HOATZ: variants seen among roughly 807,000 people sequenced by gnomAD.
HOATZ encodes HOATZ cilia and flagella associated protein.
In HOATZ, 26 loss-of-function variants were observed where a neutral mutation model predicts 24.9. That is an observed-to-expected ratio of 1.04 (90% confidence interval 0.76 to 1.45). The LOEUF is 1.45. Ranked by LOEUF, HOATZ falls within the 40% of genes most tolerant of loss-of-function variation. HOATZ has a pLI of 0.00. For missense variants in HOATZ, 226 were observed against 201.5 expected (o/e 1.12, Z -0.74); for synonymous variants, 83 against 76.6 (o/e 1.08, Z -0.43).
intron 5 of HOATZ, chr11:111,536,029 C>T (rs776792018): frequency 2.6e-5 from 4 of 152,130 alleles, no homozygotes; most frequent in African/African-American, 4.8e-5. Context: ...AATTATTTAA[C>T]TCTTATTATT....
At chr11:111,526,814 G>A (rs1867344774) in intron 3 of HOATZ, 1 of 152,126 alleles carries the variant, frequency 6.6e-6, no homozygotes, top group Non-Finnish European at 1.5e-5. Context: ...GGGCAGAACA[G>A]GAAAGACATA....
chr11:111,524,676 G>A (rs1163707755), intron 3 of HOATZ, among the ~76,000 whole-genome samples: 2 of 152,134 alleles, frequency 1.3e-5, no homozygotes, highest in Non-Finnish European at 2.9e-5. Context: ...ATTCCTTACT[G>A]CCATATGTAG....
intron 3 of HOATZ, among the ~76,000 whole-genome samples, chr11:111,525,443 T>A (rs1392646900): frequency 6.6e-6 from 1 of 152,204 alleles, no homozygotes; most frequent in Non-Finnish European, 1.5e-5. Context: ...GACATTAGTC[T>A]GTATGTGTGA....
chr11:111,528,808 CTG>C (rs112207809), intron 3 of HOATZ, among the ~76,000 whole-genome samples: 3 of 151,204 alleles, frequency 2.0e-5, no homozygotes, highest in Admixed American at 6.6e-5. Context: ...TTCTGTCACT[CTG>C]TGTGTGTGTG....
chr11:111,523,997 G>C (rs1867302362), intron 3 of HOATZ, among the ~76,000 whole-genome samples: 1 of 152,146 alleles, frequency 6.6e-6, no homozygotes, highest in Non-Finnish European at 1.5e-5. Flanking sequence ...TAAGGTGAAG[G>C]ACCATGGCTT....
chr11:111,515,915 C>T (rs1182655683), intron 2 of HOATZ, 125 bp from the exon 3 acceptor site: 1 of 624,936 alleles, frequency 1.6e-6, no homozygotes, highest in Middle Eastern at 4.4e-4. Context: ...CAATACACCA[C>T]ATGTATTTTT....
At chr11:111,531,850 C>CT (rs1422037253) in intron 3 of HOATZ, among the ~76,000 whole-genome samples, 2 of 152,216 alleles carry the variant, frequency 1.3e-5, no homozygotes, top group Non-Finnish European at 2.9e-5. Flanking sequence ...GGCCCCTTCT[C>CT]TGTGTGTCTT....
rs557455919 is a variant in HOATZ, at chr11:111,529,944, C to T, written c.340-3802C>T. Reference sequence around the variant, plus strand: ...CCTTTCCTCCCTCAAACTGTATTCACCAACTGACCCATAGGTCAGAGGTTG... The same window carrying T: ...CCTTTCCTCCCTCAAACTGTATTCATCAACTGACCCATAGGTCAGAGGTTG... On this transcript the variant is annotated intron_variant, in intron 3 of 5. Coordinates refer to ENST00000375618, the MANE Select transcript of HOATZ (RefSeq NM_001100388.2). 3.9e-5 allele frequency among the ~76,000 whole-genome samples: 6 copies of T among 152,248 alleles called. No individual in the cohort carries two copies. The East Asian group carries it at 7.7e-4, about 20-fold the overall frequency.
At chr11:111,526,230 C>T (rs1314825497) in intron 3 of HOATZ, among the ~76,000 whole-genome samples, 1 of 152,164 alleles carries the variant, frequency 6.6e-6, no homozygotes, top group East Asian at 1.9e-4. Flanking sequence ...CCAGTAAGAA[C>T]AGTAAGAAGC....
intron 3 of HOATZ, among the ~76,000 whole-genome samples, chr11:111,527,725 T>G (rs1011041362): frequency 3.9e-5 from 6 of 152,242 alleles, no homozygotes; most frequent in African/African-American, 1.4e-4. Flanking sequence ...CAGATTTCAG[T>G]TAATAGGCAC....
At chr11:111,519,994 A>T (rs1015610269) in intron 3 of HOATZ, among the ~76,000 whole-genome samples, 10 of 152,196 alleles carry the variant, frequency 6.6e-5, no homozygotes, top group African/African-American at 2.4e-4. Context: ...GCTTTTGGTT[A>T]GTGATCAAAA....
chr11:111,516,890 C>T (rs1867211768), intron 3 of HOATZ, among the ~76,000 whole-genome samples: 1 of 152,170 alleles, frequency 6.6e-6, no homozygotes, highest in African/African-American at 2.4e-5. Flanking sequence ...TGGCAACATC[C>T]TTTGTTTGCT....
chr11:111,535,602 C>T (rs1465038599), intron 5 of HOATZ: 1 of 152,140 alleles, frequency 6.6e-6, no homozygotes, highest in Non-Finnish European at 1.5e-5. Flanking sequence ...ATCCTGAAGC[C>T]TTGAATTTCA....
chr11:111,532,584 A>C (rs1867404884), intron 3 of HOATZ, among the ~76,000 whole-genome samples: 1 of 152,226 alleles, frequency 6.6e-6, no homozygotes, highest in East Asian at 1.9e-4. Flanking sequence ...GAAAGAAGCA[A>C]AGAAACCCTA....
intron 4 of HOATZ, among the ~76,000 whole-genome samples, 160 bp downstream of exon 4, chr11:111,533,965 G>T (rs1399214046): frequency 6.6e-6 from 1 of 152,114 alleles, no homozygotes; most frequent in Non-Finnish European, 1.5e-5. Flanking sequence ...AGATAATTTG[G>T]CAACCCTTGA....
chr11:111,525,689 G>A (rs190902212), intron 3 of HOATZ, among the ~76,000 whole-genome samples: 37 of 152,308 alleles, frequency 2.4e-4, no homozygotes, highest in African/African-American at 8.4e-4. Context: ...CAAAAGATGG[G>A]AGAATTTTAT....
intron 3 of HOATZ, among the ~76,000 whole-genome samples, chr11:111,516,489 C>T (rs1269670972): frequency 6.6e-6 from 1 of 152,038 alleles, no homozygotes; most frequent in Non-Finnish European, 1.5e-5. Flanking sequence ...CAGGAGGATC[C>T]CTTGAGGCCA....
At chr11:111,522,045 C>A (rs557354795) in intron 3 of HOATZ, among the ~76,000 whole-genome samples, 4 of 152,124 alleles carry the variant, frequency 2.6e-5, no homozygotes, top group East Asian at 3.8e-4. Context: ...ATAGACCCAG[C>A]CTCAGAGTTC....
intron 3 of HOATZ, chr11:111,526,568 A>G (rs952572036): frequency 6.6e-6 from 1 of 152,032 alleles, no homozygotes; most frequent in African/African-American, 2.4e-5. Context: ...GGGTAGTGTC[A>G]TTCTCTGAAA....
Sources: gnomAD v4.1 joint callset for allele counts (sites outside exome capture counted in the v4.1 genomes callset) on GRCh38, gnomAD v4.1.1 for gene constraint, MANE v1.5 for transcripts, NCBI Gene and HGNC (gene_info 2026-07-23, HGNC 2026-07-21) for gene names.